The following TCERG1L variants were observed in gnomAD, a reference collection of about 807,000 sequenced individuals.
The protein encoded by TCERG1L is transcription elongation regulator 1-like protein.
Under a neutral mutation model 56.3 loss-of-function variants are expected in TCERG1L, and 37 were observed. That is an observed-to-expected ratio of 0.66 (90% CI 0.51 to 0.87). The LOEUF is 0.87. TCERG1L is among the 40% of genes least tolerant of loss of function. The probability of loss-of-function intolerance (pLI) is 0.00; values close to 1 mark genes in which losing one functional copy is unlikely to be tolerated. For synonymous variants in TCERG1L, 324 were observed against 326.3 expected (o/e 0.99, Z 0.08); for missense variants, 799 against 774.2 (o/e 1.03, Z -0.38).
At chr10:131,177,455 T>C (rs57340586) in intron 4 of TCERG1L, among the ~76,000 whole-genome samples, 3,028 of 152,356 alleles carry the variant, frequency 0.02, 119 homozygotes, top group African/African-American at 0.069. Flanking sequence ...GTCAGTATTG[T>C]GACTTTTTCT....
Position 131,166,841 on chromosome 10 carries a change from T to C in TCERG1L, c.901A>G (p.Met301Val). The change falls in exon 5 of 12, where the codon ATG becomes GTG. Residue 301 changes from methionine to valine, a missense_variant. Physicochemically the swap from Met to Val is conservative, Grantham distance 21. Transcript: ENST00000368642. ...RGRVARPPAL[M>V]LRAQKSRDGD... ...TCCCGGCTCTTCTGGGCCCGCAGCA[T>C]CAGGGCAGGAGGGCGGGCCACTCGG... 1 of 1,613,778 alleles carries C rather than the reference T, an allele frequency of 6.2e-7. No individual in the cohort carries two copies. Among genetic ancestry groups the C allele is most frequent in the African/African-American group, 1.3e-5 (1 of 75,056 alleles).
rs369500059 is a variant in TCERG1L, at chr10:131,309,144, C to G, written c.489+9G>C. ...GCCCCTTATCCAATTAAATCACTTG[C>G]GTTTTTACCTTACAGTTAGGAATCC... is the stretch of plus-strand genomic sequence containing the variant. On this transcript the variant is annotated intron_variant, in intron 2 of 11. Transcript: ENST00000368642. 1.2e-6 allele frequency: 2 copies of G among 1,606,692 alleles called. No homozygotes were observed. The highest frequency in any genetic ancestry group is 2.3e-5 in the East Asian group (1 of 44,324).
At chr10:131,130,182 G>A (rs910026290) in intron 8 of TCERG1L, among the ~76,000 whole-genome samples, 1 of 151,994 alleles carries the variant, frequency 6.6e-6, no homozygotes, top group Non-Finnish European at 1.5e-5. Flanking sequence ...GTTACAAGGC[G>A]GCAGGCAAGG....
At chr10:131,193,120 A>G (rs1845320941) in intron 4 of TCERG1L, among the ~76,000 whole-genome samples, 1 of 152,204 alleles carries the variant, frequency 6.6e-6, no homozygotes, top group Non-Finnish European at 1.5e-5. Flanking sequence ...GATGTTAAGT[A>G]TTTGTCATAT....
chr10:131,278,767 T>G (rs1364440387), intron 3 of TCERG1L, among the ~76,000 whole-genome samples: 1 of 149,850 alleles, frequency 6.7e-6, no homozygotes, highest in Non-Finnish European at 1.5e-5. Flanking sequence ...GGAGTCACCA[T>G]CAGGCCCTTG....
intron 4 of TCERG1L, among the ~76,000 whole-genome samples, chr10:131,213,913 T>C (rs1845642614): frequency 6.6e-6 from 1 of 152,172 alleles, no homozygotes; most frequent in Admixed American, 6.5e-5. Context: ...CCTGAGAACA[T>C]GCTCACCAGG....
At chr10:131,102,084 T>G (rs1845310163) in intron 10 of TCERG1L, among the ~76,000 whole-genome samples, 1 of 152,236 alleles carries the variant, frequency 6.6e-6, no homozygotes, top group African/African-American at 2.4e-5. Flanking sequence ...TTTCCTTTGC[T>G]ATAGGAAAAA....
chr10:131,198,114 T>C (rs1845387620), intron 4 of TCERG1L, among the ~76,000 whole-genome samples: 1 of 152,358 alleles, frequency 6.6e-6, no homozygotes, highest in South Asian at 2.1e-4. Context: ...TGCCCATGGG[T>C]GCAGCGCTGC....
At chr10:131,285,253 C>T (rs1348237696) in intron 3 of TCERG1L, among the ~76,000 whole-genome samples, 3 of 151,834 alleles carry the variant, frequency 2.0e-5, no homozygotes, top group Non-Finnish European at 2.9e-5. Context: ...TGGCTCATGC[C>T]TGTAATCTCA....
At chr10:131,164,059 G>A (rs1367333836) in intron 5 of TCERG1L, 1 of 150,350 alleles carries the variant, frequency 6.7e-6, no homozygotes, top group East Asian at 2.0e-4. Flanking sequence ...ACTTGGAGGC[G>A]GAGGTTGCAG....
intron 4 of TCERG1L, among the ~76,000 whole-genome samples, chr10:131,206,015 C>T (rs1042556141): frequency 2.0e-5 from 3 of 152,208 alleles, no homozygotes; most frequent in African/African-American, 4.8e-5. Flanking sequence ...AGAGGTCTTA[C>T]TATAGCTCTG....
At chr10:131,161,801 T>C (rs1266572177) in intron 6 of TCERG1L, 1 of 152,230 alleles carries the variant, frequency 6.6e-6, no homozygotes, top group Non-Finnish European at 1.5e-5. Flanking sequence ...TTCTAAAACA[T>C]TGAGGTTCAG....
At chr10:131,229,285 T>G (rs1361734837) in intron 4 of TCERG1L, among the ~76,000 whole-genome samples, 1 of 152,260 alleles carries the variant, frequency 6.6e-6, no homozygotes, top group African/African-American at 2.4e-5. Context: ...CGCATCGAAC[T>G]GTCCAACATC....
At chr10:131,208,367 A>T (rs932904801) in intron 4 of TCERG1L, among the ~76,000 whole-genome samples, 4 of 152,168 alleles carry the variant, frequency 2.6e-5, no homozygotes, top group African/African-American at 9.6e-5. Context: ...GGCTTTCCTT[A>T]ACATGGCTGC....
intron 3 of TCERG1L, among the ~76,000 whole-genome samples, chr10:131,291,401 C>CCTT (rs1846622466): frequency 2.7e-5 from 1 of 36,566 alleles, no homozygotes; most frequent in Non-Finnish European, 5.1e-5. Flanking sequence ...AACAGCATTT[C>CCTT]TTTTTTTTTT....
chr10:131,272,087 C>T (rs1182733939), intron 3 of TCERG1L, among the ~76,000 whole-genome samples: 1 of 152,198 alleles, frequency 6.6e-6, no homozygotes, highest in Non-Finnish European at 1.5e-5. Flanking sequence ...TCTGACAACA[C>T]GGTGGGCAGC....
chr10:131,294,444 T>C (rs1286769621), intron 3 of TCERG1L, among the ~76,000 whole-genome samples: 1 of 152,188 alleles, frequency 6.6e-6, no homozygotes, highest in Non-Finnish European at 1.5e-5. Flanking sequence ...GAGCCTTTCC[T>C]TCATTCTCCA....
chr10:131,232,501 C>T (rs1281621515), intron 4 of TCERG1L, among the ~76,000 whole-genome samples: 1 of 152,230 alleles, frequency 6.6e-6, no homozygotes, highest in Non-Finnish European at 1.5e-5. Flanking sequence ...ATGCCTGTTT[C>T]ACTGAATCCA....
At chr10:131,252,002 G>A (rs1261786830) in intron 4 of TCERG1L, among the ~76,000 whole-genome samples, 4 of 152,186 alleles carry the variant, frequency 2.6e-5, no homozygotes, top group Admixed American at 6.5e-5. Context: ...TCCGATGGGG[G>A]ACCTCGGATA....
Sources: gnomAD v4.1 joint callset for allele counts (sites outside exome capture counted in the v4.1 genomes callset) on GRCh38, gnomAD v4.1.1 for gene constraint, MANE v1.5 for transcripts, NCBI Gene and HGNC (gene_info 2026-07-23, HGNC 2026-07-21) for gene names.